SLC39A12: variants seen among roughly 807,000 people sequenced by gnomAD.
SLC39A12 encodes the protein solute carrier family 39 member 12, also known as zinc transporter ZIP12.
SLC39A12 carries 63 observed loss-of-function variants against 71.1 expected under a neutral mutation model. That is an observed-to-expected ratio of 0.89 (90% CI 0.72 to 1.09). The LOEUF (loss-of-function observed/expected upper bound fraction) is 1.09, where lower values mean the gene tolerates loss of function less well. SLC39A12 is among the 50% of genes least tolerant of loss of function. The pLI is 0.00. For missense variants in SLC39A12, 892 were observed against 812.6 expected, an observed-to-expected ratio of 1.10 and a Z score of -1.19; for synonymous variants, 351 against 301.3, an observed-to-expected ratio of 1.16 and a Z score of -1.71.
intron 9 of SLC39A12, 105 bp from the exon 10 acceptor site, chr10:17,995,551 C>A: frequency 1.0e-6 from 1 of 983,242 alleles, no homozygotes; most frequent in Non-Finnish European, 1.6e-6. Flanking sequence ...ATCTAGAGTA[C>A]TAAAATGTCT....
intron 12 of SLC39A12, among the ~76,000 whole-genome samples, 179 bp from the exon 13 acceptor site, chr10:18,042,526 C>T (rs546636171): frequency 3.3e-5 from 5 of 149,272 alleles, no homozygotes; most frequent in South Asian, 2.1e-4. Context: ...AATCAAATGG[C>T]TTACTTTTAG....
Position 18,042,857 on chromosome 10 carries a change from A to G in SLC39A12, c.*24A>G, listed in dbSNP as rs1310029937. On this transcript the variant is annotated 3_prime_UTR_variant, in exon 13 of 13. Transcript: ENST00000377369. ...AAGTGAGGATCTTCAACATCTTTCAAAAATGCATTTATATAGTCTTACTTT... is the reference window on the plus strand; with the variant it reads ...AAGTGAGGATCTTCAACATCTTTCAGAAATGCATTTATATAGTCTTACTTT... 1.9e-6 allele frequency: 3 copies of G among 1,590,676 alleles called. No homozygotes were observed. Among genetic ancestry groups the G allele is most frequent in the African/African-American group, 2.7e-5 (2 of 73,664 alleles).
chr10:17,988,592 C>A (rs1470052126), intron 7 of SLC39A12, among the ~76,000 whole-genome samples: 2 of 152,152 alleles, frequency 1.3e-5, no homozygotes, highest in East Asian at 1.9e-4. Context: ...TGGCCTAATT[C>A]ACTTGTCCTT....
chr10:18,009,056 A>C (rs1402868564), intron 12 of SLC39A12, among the ~76,000 whole-genome samples: 1 of 152,164 alleles, frequency 6.6e-6, no homozygotes, highest in Non-Finnish European at 1.5e-5. Context: ...TTAAAGCATA[A>C]ATTAATTAAT....
At chr10:18,030,673 G>T (rs1836820727) in intron 12 of SLC39A12, among the ~76,000 whole-genome samples, 1 of 148,906 alleles carries the variant, frequency 6.7e-6, no homozygotes, top group Non-Finnish European at 1.5e-5. Context: ...TAAGTTTTAG[G>T]GTACATGTGC....
At chr10:18,042,578 T>A (rs1837288857) in intron 12 of SLC39A12, 127 bp from the exon 13 acceptor site, 1 of 881,966 alleles carries the variant, frequency 1.1e-6, no homozygotes, top group Non-Finnish European at 1.6e-6. Context: ...TTCAGCATTT[T>A]GTAACTGTTT....
At position 17,953,349 on chromosome 10, in the gene SLC39A12, G is replaced by A; in HGVS notation, c.73G>A (p.Glu25Lys). 2 of 1,614,118 alleles carry A rather than the reference G, an allele frequency of 1.2e-6. No individual in the cohort carries two copies. The highest frequency in any genetic ancestry group is 1.6e-4 in the Middle Eastern group (1 of 6,062). The change falls in exon 2 of 13, where the codon GAG (glutamate) becomes AAG (lysine). Residue 25 changes from glutamate (E) to lysine (K), a missense_variant. Physicochemically the swap from Glu to Lys is moderately conservative, Grantham distance 56. Transcript: ENST00000377369. ...FLLLSRVFSTETDKPSAQDSR... is the reference protein window; with the variant it reads ...FLLLSRVFSTKTDKPSAQDSR... ...TCTACTCAGCCGTGTTTTTTCTACTGAGACAGACAAACCCTCAGCCCAGGA... is the reference window on the plus strand; with the variant it reads ...TCTACTCAGCCGTGTTTTTTCTACTAAGACAGACAAACCCTCAGCCCAGGA...
chr10:18,017,215 T>C (rs1836409199), intron 12 of SLC39A12, among the ~76,000 whole-genome samples: 1 of 152,226 alleles, frequency 6.6e-6, no homozygotes, highest in Admixed American at 6.5e-5. Flanking sequence ...AAGTCATTGC[T>C]ATACCTAAGG....
At chr10:18,024,126 G>T (rs894934362) in intron 12 of SLC39A12, among the ~76,000 whole-genome samples, 1 of 152,198 alleles carries the variant, frequency 6.6e-6, no homozygotes, top group African/African-American at 2.4e-5. Context: ...GGGTGGCTGT[G>T]TCGGGGTCCC....
chr10:18,011,381 A>G (rs1056454153), intron 12 of SLC39A12, among the ~76,000 whole-genome samples: 13 of 152,116 alleles, frequency 8.5e-5, no homozygotes, highest in Admixed American at 2.0e-4. Context: ...GAGCCACTGC[A>G]CTCATCCCCC....
intron 12 of SLC39A12, among the ~76,000 whole-genome samples, chr10:18,041,561 CACATACACACACACAT>C (rs201639945): frequency 0.033 from 4,393 of 134,350 alleles, 398 homozygotes; most frequent in East Asian, 0.14. Context: ...CACACACGCA[CACATACACACACACAT>C]ACATACACAC....
chr10:17,952,467 C>CT (rs1245377827), intron 1 of SLC39A12, among the ~76,000 whole-genome samples: 39 of 146,840 alleles, frequency 2.7e-4, no homozygotes, highest in East Asian at 1.6e-3. Context: ...GTCTAAAACT[C>CT]TTTTTTTTTC....
chr10:18,007,883 T>G (rs1836075844), intron 12 of SLC39A12, among the ~76,000 whole-genome samples: 1 of 152,198 alleles, frequency 6.6e-6, no homozygotes, highest in East Asian at 1.9e-4. Flanking sequence ...CTCCTCTCTC[T>G]TCCTGTGATG....
chr10:18,016,778 C>A (rs1836397285), intron 12 of SLC39A12, among the ~76,000 whole-genome samples: 1 of 152,122 alleles, frequency 6.6e-6, no homozygotes, highest in Non-Finnish European at 1.5e-5. Flanking sequence ...CTGTAATTTG[C>A]AATTCACTAA....
At chr10:18,025,477 T>C (rs1564660991) in intron 12 of SLC39A12, among the ~76,000 whole-genome samples, 2 of 152,044 alleles carry the variant, frequency 1.3e-5, no homozygotes, top group Admixed American at 1.3e-4. Flanking sequence ...AGTGAGAACA[T>C]GCGGTGTTTG....
chr10:17,987,292 G>A (rs1317704452), intron 6 of SLC39A12, among the ~76,000 whole-genome samples, 187 bp from the exon 7 acceptor site: 1 of 152,142 alleles, frequency 6.6e-6, no homozygotes, highest in Non-Finnish European at 1.5e-5. Flanking sequence ...CTATGATAGT[G>A]CCACTACATT....
chr10:17,987,783 G>T, intron 7 of SLC39A12, 132 bp downstream of exon 7: 1 of 942,482 alleles, frequency 1.1e-6, no homozygotes. Flanking sequence ...TCCTTAAAAA[G>T]AAATATTATT....
At chr10:17,963,348 G>T (rs1366393559) in intron 3 of SLC39A12, among the ~76,000 whole-genome samples, 2 of 152,088 alleles carry the variant, frequency 1.3e-5, no homozygotes, top group East Asian at 3.9e-4. Context: ...GGGTAACTCA[G>T]CACTTAAAAG....
chr10:18,036,332 G>A (rs1396310303), intron 12 of SLC39A12, among the ~76,000 whole-genome samples: 1 of 152,200 alleles, frequency 6.6e-6, no homozygotes, highest in Non-Finnish European at 1.5e-5. Context: ...CGAGCCAGGT[G>A]TGGGATATAA....
Sources: allele counts gnomAD v4.1 joint callset (sites outside exome capture counted in the v4.1 genomes callset), GRCh38; gene constraint gnomAD v4.1.1; transcripts MANE v1.5; gene names NCBI Gene and HGNC (gene_info 2026-07-23, HGNC 2026-07-21).